Variants in ITIH5 observed in about 807,000 individuals in gnomAD.
ITIH5 encodes inter-alpha-trypsin inhibitor heavy chain H5.
Under a neutral mutation model 77.5 loss-of-function variants are expected in ITIH5, and 65 were observed. The observed-to-expected ratio is 0.84, with a 90% CI of 0.69 to 1.03. The LOEUF is 1.03. Among genes scored for constraint, ITIH5 ranks in the 50% least tolerant of loss-of-function variants. The probability of loss-of-function intolerance (pLI) is 0.00; values close to 1 mark genes in which losing one functional copy is unlikely to be tolerated. For missense variants in ITIH5, 1,208 were observed against 1,213.1 expected (o/e 1.00, Z 0.06); for synonymous variants, 525 against 494.3 (o/e 1.06, Z -0.82).
intron 8 of ITIH5, among the ~76,000 whole-genome samples, chr10:7,585,533 C>G (rs12249665): frequency 9.9e-5 from 15 of 152,152 alleles, no homozygotes; most frequent in East Asian, 1.9e-4. Flanking sequence ...AAGGTGCGCA[C>G]GAAACACTGG....
At chr10:7,594,268 C>T (rs758583793) in intron 7 of ITIH5, among the ~76,000 whole-genome samples, 1 of 152,160 alleles carries the variant, frequency 6.6e-6, no homozygotes, top group Non-Finnish European at 1.5e-5. Flanking sequence ...GCTGTAGACT[C>T]TTCCAGTGCA....
chr10:7,659,587 G>A (rs1454491281), intron 1 of ITIH5, among the ~76,000 whole-genome samples: 1 of 152,052 alleles, frequency 6.6e-6, no homozygotes, highest in Admixed American at 6.6e-5. Flanking sequence ...GGAAAGCCCA[G>A]CCCCTCTCAG....
intron 10 of ITIH5, among the ~76,000 whole-genome samples, chr10:7,573,625 G>C (rs1832349003): frequency 7.0e-6 from 1 of 142,542 alleles, no homozygotes; most frequent in African/African-American, 2.6e-5. Flanking sequence ...GCAGTGAGCT[G>C]TGACTGCACC....
intron 11 of ITIH5, 61 bp from the exon 12 acceptor site, chr10:7,569,845 G>T: frequency 1.1e-6 from 1 of 907,992 alleles, no homozygotes; most frequent in Non-Finnish European, 1.7e-6. Context: ...CCTTCCTTGT[G>T]TAGGTGCTAC....
chr10:7,660,829 A>G (rs929585284), intron 1 of ITIH5, among the ~76,000 whole-genome samples: 1 of 152,238 alleles, frequency 6.6e-6, no homozygotes, highest in African/African-American at 2.4e-5. Context: ...ACTTAAAGAC[A>G]GATGTAAAGG....
At chr10:7,615,839 T>C (rs1039317605) in intron 7 of ITIH5, 143 bp downstream of exon 7, 19 of 640,962 alleles carry the variant, frequency 3.0e-5, no homozygotes, top group Non-Finnish European at 5.4e-5. Flanking sequence ...CTTAACTGAA[T>C]CCGCTCAAGA....
At chr10:7,600,391 A>T in intron 7 of ITIH5, 3 of 373,984 alleles carry the variant, frequency 8.0e-6, no homozygotes, top group South Asian at 6.1e-5. Flanking sequence ...AGTCTAGCAC[A>T]TTCTCAAAGT....
chr10:7,631,187 G>A (rs1196910230), intron 5 of ITIH5, among the ~76,000 whole-genome samples: 1 of 152,148 alleles, frequency 6.6e-6, no homozygotes, highest in Non-Finnish European at 1.5e-5. Flanking sequence ...CTGACACTTA[G>A]TTTCCATCGG....
intron 7 of ITIH5, among the ~76,000 whole-genome samples, chr10:7,587,503 G>A (rs1026710234): frequency 4.6e-5 from 7 of 152,188 alleles, no homozygotes; most frequent in Non-Finnish European, 5.9e-5. Flanking sequence ...GTTCATCCCC[G>A]ACTCTCCGTG....
chr10:7,627,827 C>CTTTTTTTTTTTTTTTTTTTT (rs869139058), intron 5 of ITIH5, among the ~76,000 whole-genome samples: 1 of 90,804 alleles, frequency 1.1e-5, no homozygotes, highest in African/African-American at 4.9e-5. Flanking sequence ...TGAAATTAAC[C>CTTTTTTTTTTTTTTTTTTTT]TTTTTTTTTT....
chr10:7,632,870 T>C (rs535881797), intron 5 of ITIH5, among the ~76,000 whole-genome samples: 5 of 152,318 alleles, frequency 3.3e-5, no homozygotes, highest in African/African-American at 1.2e-4. Context: ...CCCCTAGTCA[T>C]TGGGGATCTT....
Position 7,640,807 on chromosome 10 carries a change from C to T in ITIH5, c.348G>A (p.Lys116=). ...TCTCTTTTACCCTATCACCACTCTT[C>T]TTTTCTCTCTCTGTAATTTCGCCCT... ...VYQGEITERE[K]KSGDRVKEKR... The change falls in exon 4 of 14, where the codon AAG becomes AAA. Residue 116 remains lysine (K), a synonymous_variant. Transcript: ENST00000397146. The T allele has an allele frequency of 6.2e-7, 1 of 1,613,452 alleles. No homozygotes were observed. The highest frequency in any genetic ancestry group is 1.1e-5 in the South Asian group (1 of 91,068).
At chr10:7,594,966 C>A (rs943015532) in intron 7 of ITIH5, among the ~76,000 whole-genome samples, 3 of 152,236 alleles carry the variant, frequency 2.0e-5, no homozygotes, top group African/African-American at 7.2e-5. Context: ...GGGGTCCGTG[C>A]CAGTTCCTAA....
In ITIH5 at chr10:7,607,425, C is replaced by T. The variant is rs547491165; in HGVS notation, c.939+8557G>A. The stretch of plus-strand genomic sequence containing the variant: ...ACTTTGGAAGCCAAGGTGGGAGGAT[C>T]GCTTGAGTCCAGGAGTTCAAAACTA... On this transcript the variant is annotated intron_variant, in intron 7 of 13. Transcript: ENST00000397146. Among the ~76,000 whole-genome samples, 3 of 152,262 alleles carry T rather than the reference C, an allele frequency of 2.0e-5. No homozygotes were observed. In the South Asian group the frequency reaches 6.2e-4, roughly 32 times the overall value.
intron 7 of ITIH5, among the ~76,000 whole-genome samples, chr10:7,593,253 C>T (rs976502454): frequency 2.0e-5 from 3 of 152,040 alleles, no homozygotes; most frequent in Non-Finnish European, 4.4e-5. Context: ...AGCCCAGGCA[C>T]CTCCCGGTGG....
rs1263614283 is a variant in ITIH5, at chr10:7,576,773, C to T, written c.1658G>A (p.Gly553Glu). 3.7e-6 allele frequency: 6 copies of T among 1,614,086 alleles called. No homozygotes were observed. The highest frequency in any genetic ancestry group is 5.1e-6 in the Non-Finnish European group (6 of 1,180,042). ...TDVPVRPQKA[G>E]KDVTGSPRPG... The stretch of plus-strand genomic sequence containing the variant: ...CCTGGGGCTTCCTGTGACATCTTTC[C>T]CTGCCTTCTGAGGCCGCACAGGCAC... The change falls in exon 10 of 14, where the codon GGG (glycine) becomes GAG (glutamate). Residue 553 changes from glycine (G) to glutamate (E), a missense_variant. Coordinates refer to ENST00000397146, the MANE Select transcript of ITIH5 (RefSeq NM_030569.7).
intron 7 of ITIH5, among the ~76,000 whole-genome samples, chr10:7,611,205 T>A (rs1379752428): frequency 6.6e-6 from 1 of 152,248 alleles, no homozygotes; most frequent in Non-Finnish European, 1.5e-5. Flanking sequence ...TTATCTACCT[T>A]TGCAAAGCCT....
chr10:7,566,418 A>G lies in ITIH5; in HGVS notation c.2150-11T>C. ...CGTTCACTGTGACACCTCAAAGGCC[A>G]AGGGGAAAAGAAGAAGGTTAGAAAA... On this transcript the variant is annotated splice_polypyrimidine_tract_variant and intron_variant, in intron 12 of 13. Transcript: ENST00000397146. The G allele has an allele frequency of 6.3e-7, 1 of 1,582,032 alleles. No homozygotes were observed. Among genetic ancestry groups the G allele is most frequent in the Non-Finnish European group, 8.6e-7 (1 of 1,158,448 alleles).
chr10:7,599,355 GAAGT>G (rs1366257518), intron 7 of ITIH5, among the ~76,000 whole-genome samples: 1 of 152,308 alleles, frequency 6.6e-6, no homozygotes, highest in East Asian at 1.9e-4. Flanking sequence ...GCTCTAATAG[GAAGT>G]AAGAGGATGA....
Sources: allele counts gnomAD v4.1 joint callset (sites outside exome capture counted in the v4.1 genomes callset), GRCh38; gene constraint gnomAD v4.1.1; transcripts MANE v1.5; gene names NCBI Gene and HGNC (gene_info 2026-07-23, HGNC 2026-07-21).